The following CRB2 variants were observed in gnomAD, a reference collection of about 807,000 sequenced individuals.
CRB2 encodes crumbs cell polarity complex component 2.
A neutral mutation model predicts 110.9 loss-of-function variants in CRB2; 85 were observed. That is an observed-to-expected ratio of 0.77 (90% confidence interval 0.64 to 0.92). The LOEUF (loss-of-function observed/expected upper bound fraction) is 0.92, where lower values mean the gene tolerates loss of function less well. Among genes scored for constraint, CRB2 ranks in the 40% least tolerant of loss-of-function variants. The probability of loss-of-function intolerance (pLI) is 0.00; values close to 1 mark genes in which losing one functional copy is unlikely to be tolerated. For missense variants in CRB2, 1,843 were observed against 1,851.3 expected, an observed-to-expected ratio of 1.00 and a Z score of 0.08; for synonymous variants, 907 against 831.0, an observed-to-expected ratio of 1.09 and a Z score of -1.57.
intron 11 of CRB2, 75 bp downstream of exon 11, chr9:123,374,770 G>A (rs988585480): frequency 8.5e-6 from 9 of 1,053,352 alleles, no homozygotes; most frequent in Admixed American, 4.0e-5. Flanking sequence ...AGGGTGGGGC[G>A]GGGGTCCTCG....
Position 123,367,155 on chromosome 9 carries a change from C to T in CRB2, c.755-17C>T, listed in dbSNP as rs1011941212. The stretch of plus-strand genomic sequence containing the variant: ...GCAACCCCGTGAGACCTGATGTCCG[C>T]GTGTGTGTGCCCCCAGGCTACAGCG... On this transcript the variant is annotated splice_polypyrimidine_tract_variant and intron_variant, in intron 4 of 12. Transcript: ENST00000373631. 11 of 1,566,550 alleles carry T rather than the reference C, an allele frequency of 7.0e-6. No individual in the cohort carries two copies. The highest frequency in any genetic ancestry group is 3.5e-5 in the South Asian group (3 of 85,694).
At chr9:123,369,617 G>C (rs1475393549) in intron 6 of CRB2, among the ~76,000 whole-genome samples, 1 of 152,188 alleles carries the variant, frequency 6.6e-6, no homozygotes, top group African/African-American at 2.4e-5. Flanking sequence ...GGACGTTCAA[G>C]ATTTGTGGGA....
upstream of CRB2, among the ~76,000 whole-genome samples, chr9:123,354,926 C>T (rs1166840047): frequency 1.3e-5 from 2 of 152,326 alleles, no homozygotes; most frequent in East Asian, 1.9e-4. Flanking sequence ...TTGCCCATCC[C>T]TCTAGCTCAT....
Position 123,370,257 on chromosome 9 carries a change from G to T in CRB2, c.1204G>T (p.Gly402Cys). 1 of 1,613,312 alleles carries T rather than the reference G, an allele frequency of 6.2e-7. No individual in the cohort carries two copies. Among genetic ancestry groups the T allele is most frequent in the South Asian group, 1.1e-5 (1 of 91,088 alleles). The stretch of plus-strand genomic sequence containing the variant: ...TTCTGTGCAGCTCACTGGCTGCCAG[G>T]GCCACACCTGCCCGCTGGCTGCCAC... ...DCSVQLTGCQGHTCPLAATCI... is the reference protein window; with the variant it reads ...DCSVQLTGCQCHTCPLAATCI... The change falls in exon 7 of 13, where the codon GGC becomes TGC. Residue 402 changes from glycine to cysteine, a missense_variant. Gly to Cys is a radical substitution (Grantham distance 159). Transcript: ENST00000373631.
chr9:123,374,507 C>A, intron 10 of CRB2, 72 bp from the exon 11 acceptor site: 1 of 1,104,220 alleles, frequency 9.1e-7, no homozygotes, highest in Non-Finnish European at 1.4e-6. Context: ...CTCAGGTGGC[C>A]CACGGTCACA....
At chr9:123,375,407 T>C in intron 12 of CRB2, 64 bp downstream of exon 12, 1 of 1,501,718 alleles carries the variant, frequency 6.7e-7, no homozygotes, top group East Asian at 2.4e-5. Flanking sequence ...GAGATGCTGC[T>C]GGGGAGAGAG....
intron 2 of CRB2, among the ~76,000 whole-genome samples, chr9:123,365,331 C>T (rs1397526316): frequency 2.0e-5 from 3 of 152,152 alleles, no homozygotes; most frequent in Non-Finnish European, 2.9e-5. Context: ...AGTCACTTAC[C>T]TGTCTGAAAC....
intron 1 of CRB2, among the ~76,000 whole-genome samples, chr9:123,359,430 GTTTTTGTTTTGTTTTTTTTTTT>G (rs1455777529): frequency 3.1e-5 from 3 of 98,026 alleles, no homozygotes; most frequent in African/African-American, 1.4e-4. Flanking sequence ...GTGGTTTTTC[GTTTTTGTTTTGTTTTTTTTTTT>G]TTTTTTTTTT....
upstream of CRB2, chr9:123,356,187 C>A: frequency 1.9e-6 from 2 of 1,038,992 alleles, no homozygotes; most frequent in Non-Finnish European, 2.7e-6. Context: ...GTTGGAGGGA[C>A]GAGGGGGGTG....
intron 1 of CRB2, 28 bp from the exon 2 acceptor site, chr9:123,362,837 C>T (rs184227017): frequency 1.8e-4 from 279 of 1,547,580 alleles, no homozygotes; most frequent in Non-Finnish European, 2.4e-4. Flanking sequence ...TCTGCCCACC[C>T]TGCCCAGCCA....
rs771074871 is a variant in CRB2, at chr9:123,366,317, C to T, written c.705C>T (p.Asn235=). The change falls in exon 4 of 13, where the codon AAC becomes AAT. Residue 235 remains asparagine, a synonymous_variant. Coordinates refer to ENST00000373631, the MANE Select transcript of CRB2 (RefSeq NM_173689.7). ...GCGCATCGGCGCCCTGCGAGCACAA[C>T]GCGTCCTGCCTCGAGGGCCTCGGGA... ...LECASAPCEH[N]ASCLEGLGSF... 92 of 1,537,348 alleles carry T rather than the reference C, an allele frequency of 6.0e-5. 4 individuals are homozygous for T. The Middle Eastern group carries it at 2.1e-3, about 35-fold the overall frequency.
upstream of CRB2, among the ~76,000 whole-genome samples, chr9:123,355,330 G>T (rs1009358756): frequency 1.3e-5 from 2 of 152,128 alleles, no homozygotes; most frequent in African/African-American, 4.8e-5. Flanking sequence ...GGAGAGCAAT[G>T]CTTGCTTGGT....
chr9:123,357,132 C>T (rs1304240865), intron 1 of CRB2, among the ~76,000 whole-genome samples: 2 of 152,064 alleles, frequency 1.3e-5, no homozygotes, highest in African/African-American at 2.4e-5. Flanking sequence ...TGTGTGTCCC[C>T]TGCTGCCCCC....
In CRB2 at chr9:123,373,402, C is replaced by T. The variant is rs2042047230; in HGVS notation, c.2871C>T (p.His957=). The T allele has an allele frequency of 2.1e-6, 3 of 1,442,432 alleles. No individual in the cohort carries two copies. The highest frequency in any genetic ancestry group is 3.1e-5 in the East Asian group (1 of 32,296). 89.4% of individuals were successfully genotyped at this position (1,442,432 alleles called of 1,614,324 possible). A position where few individuals can be genotyped will look rare whatever the true frequency, so the allele number is the denominator to read the frequency against. ...PGPRVADGAW[H]RVRLAMERPA... Reference sequence around the variant, plus strand: ...CGCGCGTGGCCGATGGTGCCTGGCACCGCGTGCGTCTGGCCATGGAGCGCC... The same window carrying T: ...CGCGCGTGGCCGATGGTGCCTGGCATCGCGTGCGTCTGGCCATGGAGCGCC... Residue 957 remains histidine (H), a synonymous_variant, in exon 10 of 13, where the codon CAC becomes CAT. Coordinates refer to ENST00000373631, the MANE Select transcript of CRB2 (RefSeq NM_173689.7).
chr9:123,361,800 C>T (rs761976060), intron 1 of CRB2, among the ~76,000 whole-genome samples: 3 of 152,122 alleles, frequency 2.0e-5, no homozygotes, highest in Non-Finnish European at 4.4e-5. Context: ...AATGACTTAC[C>T]CAGGGTCTCA....
Position 123,377,203 on chromosome 9 carries a change from A to T in CRB2, c.*141A>T. Reference sequence around the variant, plus strand: ...CAGCCTCTGCCTCTGCCTCTGCCCCATCCTGGATGGAGGACGAGGGGAGCA... The same window carrying T: ...CAGCCTCTGCCTCTGCCTCTGCCCCTTCCTGGATGGAGGACGAGGGGAGCA... On this transcript the variant is annotated 3_prime_UTR_variant, in exon 13 of 13. Coordinates refer to ENST00000373631, the MANE Select transcript of CRB2 (RefSeq NM_173689.7). The T allele has an allele frequency of 2.6e-6, 2 of 776,428 alleles. No homozygotes were observed. The highest frequency in any genetic ancestry group is 4.0e-6 in the Non-Finnish European group (2 of 498,898). The allele number at this position is 776,428 out of a possible 1,614,324, so 48.1% of individuals were successfully genotyped here. A position where few individuals can be genotyped will look rare whatever the true frequency, so the allele number is the denominator to read the frequency against.
In CRB2 at chr9:123,367,557, GCTGGGC is replaced by G; in HGVS notation, c.941-13_941-8del. The G allele has an allele frequency of 6.5e-7, 1 of 1,545,760 alleles. No individual in the cohort carries two copies. Among genetic ancestry groups the G allele is most frequent in the Non-Finnish European group, 8.7e-7 (1 of 1,144,588 alleles). ...TCTGAGGGTGCAGGTGGGACCCACAGCTGGGCCTCTTACAGGAGCCGACTGCGGTGT... is the reference window on the plus strand; with the variant it reads ...TCTGAGGGTGCAGGTGGGACCCACAGCTCTTACAGGAGCCGACTGCGGTGT... On this transcript the variant is annotated splice_polypyrimidine_tract_variant and intron_variant, in intron 5 of 12. Transcript: ENST00000373631.
intron 1 of CRB2, among the ~76,000 whole-genome samples, chr9:123,359,430 G>GTTTGTTTTTT (rs2041835449): frequency 3.1e-5 from 3 of 98,024 alleles, no homozygotes; most frequent in African/African-American, 4.8e-5. Flanking sequence ...GTGGTTTTTC[G>GTTTGTTTTTT]TTTTTGTTTT....
At chr9:123,375,458 G>A (rs1486718778) in intron 12 of CRB2, 115 bp downstream of exon 12, 1 of 1,280,130 alleles carries the variant, frequency 7.8e-7, no homozygotes, top group Non-Finnish European at 1.0e-6. Flanking sequence ...TCTGTCATGG[G>A]GTGGGGCAGT....
Sources: allele counts gnomAD v4.1 joint callset (sites outside exome capture counted in the v4.1 genomes callset), GRCh38; gene constraint gnomAD v4.1.1; transcripts MANE v1.5; gene names NCBI Gene and HGNC (gene_info 2026-07-23, HGNC 2026-07-21).